Variants in AGAP1 observed in about 807,000 individuals in gnomAD.
The protein encoded by AGAP1 is arf-GAP with GTPase, ANK repeat and PH domain-containing protein 1.
In AGAP1, 29 loss-of-function variants were observed where a neutral mutation model predicts 105.3. The observed-to-expected ratio is 0.28, with a 90% CI of 0.21 to 0.38. The LOEUF (loss-of-function observed/expected upper bound fraction) is 0.38, where lower values mean the gene tolerates loss of function less well. AGAP1 is among the 10% of genes least tolerant of loss of function. The probability of loss-of-function intolerance (pLI) is 1.00; values close to 1 mark genes in which losing one functional copy is unlikely to be tolerated. For missense variants in AGAP1, 998 were observed against 1,165.1 expected (o/e 0.86, Z 2.09); for synonymous variants, 509 against 485.9 (o/e 1.05, Z -0.63).
intron 1 of AGAP1, among the ~76,000 whole-genome samples, chr2:235,707,065 T>G (rs79594676): frequency 0.017 from 2,648 of 152,312 alleles, 71 homozygotes; most frequent in African/African-American, 0.059. Flanking sequence ...TGGGGTGGTG[T>G]TTGGGTGCAC....
chr2:235,509,391 C>A (rs553479139), intron 1 of AGAP1, among the ~76,000 whole-genome samples: 1 of 151,986 alleles, frequency 6.6e-6, no homozygotes. Flanking sequence ...TCCACAACCA[C>A]GCCCGGCTAA....
chr2:236,006,494 A>G (rs1172642226), intron 13 of AGAP1, among the ~76,000 whole-genome samples: 1 of 152,228 alleles, frequency 6.6e-6, no homozygotes, highest in African/African-American at 2.4e-5. Context: ...ATATTTCTAT[A>G]TGTAACCATC....
chr2:235,946,801 T>A (rs2053521275), intron 12 of AGAP1, among the ~76,000 whole-genome samples: 2 of 152,128 alleles, frequency 1.3e-5, no homozygotes, highest in African/African-American at 4.8e-5. Flanking sequence ...GTCCCGCCCC[T>A]CTGCCCAGCC....
At chr2:235,765,347 C>A (rs951023853) in intron 6 of AGAP1, among the ~76,000 whole-genome samples, 2 of 151,548 alleles carry the variant, frequency 1.3e-5, no homozygotes, top group Non-Finnish European at 2.9e-5. Flanking sequence ...CCTGCGAGCG[C>A]CCGTGGCAGC....
Position 235,701,882 on chromosome 2 carries a change from ATTG to A in AGAP1, c.164-7291_164-7289del, listed in dbSNP as rs1950276708. On this transcript the variant is annotated intron_variant, in intron 1 of 17. Coordinates refer to ENST00000304032, the MANE Select transcript of AGAP1 (RefSeq NM_001037131.3). This position sits in a 1 kb window ranked among gnomAD's most constrained non-coding sequence, Gnocchi z 4.1. ...TCTGTGGATGTACCATCTTTCTTCC[ATTG>A]TTGTTTTGTTTTATATTTGGGGGCT... Among the ~76,000 whole-genome samples the A allele has an allele frequency of 6.6e-6, 1 of 151,982 alleles. No individual in the cohort carries two copies. The highest frequency in any genetic ancestry group is 2.4e-5 in the African/African-American group (1 of 41,366).
Position 235,988,516 on chromosome 2 carries a change from G to A in AGAP1, c.1645+19893G>A, listed in dbSNP as rs146513324. Among the ~76,000 whole-genome samples the A allele has an allele frequency of 8.0e-4, 122 of 152,234 alleles. No homozygotes were observed. Among genetic ancestry groups the A allele is most frequent in the African/African-American group, 2.7e-3 (114 of 41,548 alleles). Reference sequence around the variant, plus strand: ...TGAACTTTAGCGTAAGTGTTCTCTGGCAGGTATGGCTGTTTTTCTGAGCAG... The same window carrying A: ...TGAACTTTAGCGTAAGTGTTCTCTGACAGGTATGGCTGTTTTTCTGAGCAG... On this transcript the variant is annotated intron_variant, in intron 13 of 17. Transcript: ENST00000304032. This position sits in a 1 kb window ranked among gnomAD's most constrained non-coding sequence, Gnocchi z 4.7.
At chr2:235,809,368 G>A (rs1341656929) in intron 9 of AGAP1, among the ~76,000 whole-genome samples, 6 of 152,148 alleles carry the variant, frequency 3.9e-5, no homozygotes, top group African/African-American at 7.2e-5. Context: ...CTGATTTCCC[G>A]GTGACTCCTG....
In AGAP1 at chr2:235,597,827, T is replaced by G. The variant is rs1418159289; in HGVS notation, c.163+102978T>G. On this transcript the variant is annotated intron_variant, in intron 1 of 17. Coordinates refer to ENST00000304032, the MANE Select transcript of AGAP1 (RefSeq NM_001037131.3). ...GCGTGCACGCGCTCCCGTGTTTCCT[T>G]TGTGTGGAGCGTGCACGCGCTCCCG... Among the ~76,000 whole-genome samples the G allele has an allele frequency of 4.0e-3, 180 of 44,736 alleles. 3 individuals are homozygous for G. The highest frequency in any genetic ancestry group is 0.038 in the Middle Eastern group (1 of 26). 29.3% of individuals were successfully genotyped at this position (44,736 alleles called of 152,430 possible). A position where few individuals can be genotyped will look rare whatever the true frequency, so the allele number is the denominator to read the frequency against.
rs554954826 is a variant in AGAP1, at chr2:235,549,650, A to G, written c.163+54801A>G. ...CTTGGCACCATCTAATTTTTTAAAAATGAGCCTAATACTGTTCACGTTTTA... is the reference window on the plus strand; with the variant it reads ...CTTGGCACCATCTAATTTTTTAAAAGTGAGCCTAATACTGTTCACGTTTTA... On this transcript the variant is annotated intron_variant, in intron 1 of 17. Coordinates refer to ENST00000304032, the MANE Select transcript of AGAP1 (RefSeq NM_001037131.3). This position sits in a 1 kb window ranked among gnomAD's most constrained non-coding sequence, Gnocchi z 4.2. Among the ~76,000 whole-genome samples the G allele has an allele frequency of 6.6e-4, 101 of 152,316 alleles. 1 individual carries two copies. The highest frequency in any genetic ancestry group is 2.4e-3 in the African/African-American group (98 of 41,580).
Position 236,009,846 on chromosome 2 carries a change from A to G in AGAP1, c.1646-26715A>G, listed in dbSNP as rs2056450544. On this transcript the variant is annotated intron_variant, in intron 13 of 17. Transcript: ENST00000304032. This position sits in a 1 kb window ranked among gnomAD's most constrained non-coding sequence, Gnocchi z 4.2. ...GGACACACAGCCTCGGCGCTGCATC[A>G]TTTTTTAATCAGCTATCTGAGGAAT... is the stretch of plus-strand genomic sequence containing the variant. Among the ~76,000 whole-genome samples the G allele has an allele frequency of 6.6e-6, 1 of 152,176 alleles. No individual in the cohort carries two copies. Among genetic ancestry groups the G allele is most frequent in the African/African-American group, 2.4e-5 (1 of 41,428 alleles).
rs2053988931 is a variant in AGAP1, at chr2:235,957,219, T to C, written c.1484-11243T>C. Reference sequence around the variant, plus strand: ...AAACATATTTCAGTAATCAAGGTCCTCATCTCAATGGAAGATCAAATTTCC... The same window carrying C: ...AAACATATTTCAGTAATCAAGGTCCCCATCTCAATGGAAGATCAAATTTCC... On this transcript the variant is annotated intron_variant, in intron 12 of 17. Coordinates refer to ENST00000304032, the MANE Select transcript of AGAP1 (RefSeq NM_001037131.3). This position sits in a 1 kb window ranked among gnomAD's most constrained non-coding sequence, Gnocchi z 4.6. Among the ~76,000 whole-genome samples the C allele has an allele frequency of 6.6e-6, 1 of 152,222 alleles. No homozygotes were observed. The highest frequency in any genetic ancestry group is 2.4e-5 in the African/African-American group (1 of 41,452).
chr2:235,693,215 T>C (rs1575146070), intron 1 of AGAP1, among the ~76,000 whole-genome samples: 1 of 152,204 alleles, frequency 6.6e-6, no homozygotes, highest in African/African-American at 2.4e-5. Flanking sequence ...GAGGGGGCTT[T>C]GGGGCTGCAG....
chr2:235,945,290 TG>T (rs538614225), intron 12 of AGAP1, among the ~76,000 whole-genome samples: 1,918 of 150,608 alleles, frequency 0.013, 29 homozygotes, highest in South Asian at 0.046. Context: ...TTAGTAGAGT[TG>T]GGGGGGGGTT....
chr2:235,579,865 C>T (rs1262223936), intron 1 of AGAP1, among the ~76,000 whole-genome samples: 4 of 152,230 alleles, frequency 2.6e-5, no homozygotes, highest in African/African-American at 9.6e-5. Context: ...TTTCATCACC[C>T]CCGCCCAGGG....
chr2:235,997,619 C>A (rs892806318), intron 13 of AGAP1, among the ~76,000 whole-genome samples: 4 of 152,120 alleles, frequency 2.6e-5, no homozygotes, highest in African/African-American at 9.7e-5. Flanking sequence ...ATATGTTGAT[C>A]CTTGTGAAAG....
rs2054350848 is a variant in AGAP1, at chr2:235,965,436, T to G, written c.1484-3026T>G. ...ACAGTGTGCCGTTTTGAAGAAGCAA[T>G]GGTGAAGGAAGCCAGACTTCAAGGA... is the stretch of plus-strand genomic sequence containing the variant. On this transcript the variant is annotated intron_variant, in intron 12 of 17. Coordinates refer to ENST00000304032, the MANE Select transcript of AGAP1 (RefSeq NM_001037131.3). The surrounding 1 kb of genome is among the most constrained non-coding windows in gnomAD (Gnocchi z 5.8). Among the ~76,000 whole-genome samples, 1 of 152,088 alleles carries G rather than the reference T, an allele frequency of 6.6e-6. No homozygotes were observed. Among genetic ancestry groups the G allele is most frequent in the South Asian group, 2.1e-4 (1 of 4,816 alleles).
chr2:236,054,336 G>A (rs2057990583), intron 16 of AGAP1, among the ~76,000 whole-genome samples: 1 of 152,116 alleles, frequency 6.6e-6, no homozygotes, highest in Non-Finnish European at 1.5e-5. Context: ...TGTTCCAAAT[G>A]TGGCCTCAGG....
chr2:236,124,111 A>C lies in AGAP1; in HGVS notation c.2563A>C (p.Thr855Pro). The C allele has an allele frequency of 1.9e-6, 3 of 1,613,854 alleles. No homozygotes were observed. Among genetic ancestry groups the C allele is most frequent in the Non-Finnish European group, 1.7e-6 (2 of 1,179,892 alleles). Residue 855 changes from threonine (T) to proline (P), a missense_variant, in exon 18 of 18, where the codon ACC becomes CCC. Around this residue, in one of 3 missense-constraint regions of AGAP1, gnomAD observed 235 missense variants for 270.7 expected, o/e 0.87. Coordinates refer to ENST00000304032, the MANE Select transcript of AGAP1 (RefSeq NM_001037131.3). The surrounding 1 kb of genome is among the most constrained non-coding windows in gnomAD (Gnocchi z 5.1). ...NRNNSSGRVP[T>P]II is the part of the protein sequence containing the mutation. ...GAACAACAGCAGTGGGAGGGTGCCC[A>C]CCATCATCTGAGGAACAGCCGTGCC...
chr2:235,774,400 C>CGGGT (rs1346842841), intron 6 of AGAP1: 1 of 470,596 alleles, frequency 2.1e-6, no homozygotes, highest in African/African-American at 2.0e-5. Flanking sequence ...CTGAGTCTGT[C>CGGGT]GGGTTGAGTA....
Sources: allele counts gnomAD v4.1 joint callset (sites outside exome capture counted in the v4.1 genomes callset), GRCh38; gene constraint gnomAD v4.1.1; regional missense constraint gnomAD v4.1.1; non-coding constraint Gnocchi (gnomAD v3.1); transcripts MANE v1.5; gene names NCBI Gene and HGNC (gene_info 2026-07-23, HGNC 2026-07-21).